Variants in RTL4 observed in about 807,000 individuals in gnomAD.
The protein encoded by RTL4 is retrotransposon Gag-like protein 4.
RTL4 carries 4 observed loss-of-function variants against 5.3 expected under a neutral mutation model. That is an observed-to-expected ratio of 0.75 (90% CI 0.37 to 1.72). The LOEUF (loss-of-function observed/expected upper bound fraction) is 1.72, where lower values mean the gene tolerates loss of function less well. RTL4 is among the 40% of genes most tolerant of loss of function. The pLI, the probability that RTL4 is intolerant of heterozygous loss-of-function variation, is 0.04. For missense variants in RTL4, 260 were observed against 227.1 expected, an observed-to-expected ratio of 1.14 and a Z score of -0.93; for synonymous variants, 98 against 87.3, an observed-to-expected ratio of 1.12 and a Z score of -0.68.
chrX:112,284,991 GT>G, the RTL4 span, among the ~76,000 whole-genome samples: 2 of 111,928 alleles, frequency 1.8e-5, no homozygotes, highest in African/African-American at 6.5e-5. Flanking sequence ...GTTTGTCATT[GT>G]TCTTATAACC....
chrX:112,091,416 A>G, the RTL4 span, among the ~76,000 whole-genome samples: 2,594 of 111,848 alleles, frequency 0.023, 34 homozygotes, highest in Non-Finnish European at 0.035. Flanking sequence ...ACTGTATCAC[A>G]TAAGTTTGGT....
the RTL4 span, among the ~76,000 whole-genome samples, chrX:112,443,067 C>T: frequency 8.9e-6 from 1 of 111,786 alleles, no homozygotes; most frequent in Non-Finnish European, 1.9e-5. Context: ...CCACCAACAA[C>T]ACCCAACCCC....
the RTL4 span, among the ~76,000 whole-genome samples, chrX:112,277,817 C>G: frequency 8.9e-6 from 1 of 111,943 alleles, no homozygotes; most frequent in East Asian, 2.8e-4. Flanking sequence ...CAGCTGACAG[C>G]TTGAATATCA....
the RTL4 span, among the ~76,000 whole-genome samples, chrX:112,326,566 G>A: frequency 1.8e-5 from 2 of 111,984 alleles, no homozygotes; most frequent in Non-Finnish European, 3.8e-5. Context: ...CAAGGTGGCA[G>A]CGAGGCTGGG....
At chrX:112,280,475 T>C in the RTL4 span, among the ~76,000 whole-genome samples, 11 of 111,006 alleles carry the variant, frequency 9.9e-5, no homozygotes, top group Non-Finnish European at 1.9e-4. Context: ...TACAAGTTTT[T>C]TGTGTGTTTG....
chrX:112,322,097 A>G, the RTL4 span, among the ~76,000 whole-genome samples: 1 of 111,648 alleles, frequency 9.0e-6, no homozygotes, highest in African/African-American at 3.3e-5. Flanking sequence ...AGGACTACTG[A>G]GTAGTTAAAA....
At chrX:112,416,458 A>G in the RTL4 span, among the ~76,000 whole-genome samples, 1 of 112,128 alleles carries the variant, frequency 8.9e-6, no homozygotes, top group Non-Finnish European at 1.9e-5. Flanking sequence ...TGCCTGTGAG[A>G]TACGCACCTG....
At chrX:112,252,479 G>A in the RTL4 span, among the ~76,000 whole-genome samples, 34 of 112,128 alleles carry the variant, frequency 3.0e-4, no homozygotes, top group Non-Finnish European at 4.7e-4. Flanking sequence ...GAGATTGTGA[G>A]AGACAGATTG....
the RTL4 span, among the ~76,000 whole-genome samples, chrX:112,283,165 G>GA: frequency 1.7e-4 from 19 of 111,149 alleles, 1 homozygote; most frequent in African/African-American, 5.2e-4. Context: ...TATCATTTAT[G>GA]AAAAAAATAT....
At chrX:112,452,041 T>C (rs945188305), upstream of RTL4, among the ~76,000 whole-genome samples, 2 of 109,840 alleles carry the variant, frequency 1.8e-5, no homozygotes, top group Non-Finnish European at 3.8e-5. Flanking sequence ...CTGAGTTGAT[T>C]CTTATGACAT....
chrX:112,176,709 A>G, the RTL4 span, among the ~76,000 whole-genome samples: 2 of 112,112 alleles, frequency 1.8e-5, no homozygotes, highest in African/African-American at 3.2e-5. Flanking sequence ...GCTATTTTGA[A>G]ATATAAGATT....
At chrX:112,216,504 C>T in the RTL4 span, among the ~76,000 whole-genome samples, 1 of 111,685 alleles carries the variant, frequency 9.0e-6, no homozygotes, top group Non-Finnish European at 1.9e-5. Flanking sequence ...GACTATTTTG[C>T]CCACCCTAGC....
At chrX:112,436,056 A>G in the RTL4 span, among the ~76,000 whole-genome samples, 14 of 111,143 alleles carry the variant, frequency 1.3e-4, no homozygotes, top group East Asian at 2.3e-3. Flanking sequence ...CTCTCTACCT[A>G]AAATACAAAA....
chrX:112,085,092 T>C, the RTL4 span, among the ~76,000 whole-genome samples: 1 of 112,468 alleles, frequency 8.9e-6, no homozygotes, highest in Non-Finnish European at 1.9e-5. Flanking sequence ...GGACCCAAGC[T>C]TTGTCTAGGT....
the RTL4 span, among the ~76,000 whole-genome samples, chrX:112,356,576 TGG>T: frequency 1.1e-5 from 1 of 93,301 alleles, no homozygotes; most frequent in Non-Finnish European, 2.1e-5. Flanking sequence ...CCATTTGTTT[TGG>T]GGTGTGTGTG....
chrX:112,160,822 T>C, the RTL4 span, among the ~76,000 whole-genome samples: 1 of 108,769 alleles, frequency 9.2e-6, no homozygotes. Context: ...TGTGAGAGAG[T>C]TGAAGGAGAG....
At chrX:112,163,482 G>A in the RTL4 span, among the ~76,000 whole-genome samples, 4 of 111,630 alleles carry the variant, frequency 3.6e-5, no homozygotes, top group Admixed American at 9.5e-5. Flanking sequence ...CAGAGGGATC[G>A]TGGGGAACAT....
the RTL4 span, among the ~76,000 whole-genome samples, chrX:112,237,627 T>C: frequency 1.8e-5 from 2 of 112,679 alleles, no homozygotes; most frequent in South Asian, 7.3e-4. Flanking sequence ...CAGCTCAATT[T>C]TTAACATGCT....
At chrX:112,171,825 A>T in the RTL4 span, among the ~76,000 whole-genome samples, 1 of 112,436 alleles carries the variant, frequency 8.9e-6, no homozygotes, top group African/African-American at 3.2e-5. Context: ...TGAAAATGCT[A>T]AAAGCAACTG....
Sources: gnomAD v4.1 joint callset for allele counts (sites outside exome capture counted in the v4.1 genomes callset) on GRCh38, gnomAD v4.1.1 for gene constraint, MANE v1.5 for transcripts, NCBI Gene and HGNC (gene_info 2026-07-23, HGNC 2026-07-21) for gene names.